The following PSD3 variants were observed in gnomAD, a reference collection of about 807,000 sequenced individuals.
PSD3 encodes the protein pleckstrin and Sec7 domain containing 3.
In PSD3, 49 loss-of-function variants were observed where a neutral mutation model predicts 105.5. That is an observed-to-expected ratio of 0.46 (90% CI 0.37 to 0.59). The LOEUF is 0.59. Among genes scored for constraint, PSD3 ranks in the 20% least tolerant of loss-of-function variants. PSD3 has a pLI of 0.00. For missense variants in PSD3, 1,561 were observed against 1,263.8 expected, an observed-to-expected ratio of 1.24 and a Z score of -3.57; for synonymous variants, 557 against 457.8, an observed-to-expected ratio of 1.22 and a Z score of -2.77.
chr8:18,935,761 C>G (rs540255266), intron 2 of PSD3, among the ~76,000 whole-genome samples: 1 of 151,428 alleles, frequency 6.6e-6, no homozygotes, highest in African/African-American at 2.4e-5. Flanking sequence ...ATGGAAAACT[C>G]TTATGAAAAC....
chr8:18,974,672 CAAAAA>C (rs142184048), intron 1 of PSD3, among the ~76,000 whole-genome samples: 5 of 130,548 alleles, frequency 3.8e-5, no homozygotes, highest in African/African-American at 1.4e-4. Context: ...CACATCAAGT[CAAAAA>C]AAAAAAACAA....
chr8:18,997,416 C>G (rs1826139302), intron 1 of PSD3, among the ~76,000 whole-genome samples: 1 of 151,890 alleles, frequency 6.6e-6, no homozygotes, highest in Admixed American at 6.6e-5. Flanking sequence ...CCATGGTGGT[C>G]CAAGCCACCA....
At chr8:18,998,673 C>T (rs1257073038) in intron 1 of PSD3, among the ~76,000 whole-genome samples, 7 of 151,770 alleles carry the variant, frequency 4.6e-5, no homozygotes, top group Non-Finnish European at 1.0e-4. Flanking sequence ...AGCAACAGAG[C>T]GAGATTCCAT....
chr8:18,718,972 G>A (rs1164806966), intron 9 of PSD3, among the ~76,000 whole-genome samples: 3 of 152,280 alleles, frequency 2.0e-5, no homozygotes, highest in East Asian at 3.9e-4. Context: ...TATCTGTGGA[G>A]CTGTCAACCA....
At chr8:18,606,961 C>G (rs1222256173) in intron 11 of PSD3, among the ~76,000 whole-genome samples, 1 of 152,116 alleles carries the variant, frequency 6.6e-6, no homozygotes. Flanking sequence ...GTAGAGTATG[C>G]CCCCAAGGAA....
chr8:18,642,325 C>T (rs553162925), intron 10 of PSD3, among the ~76,000 whole-genome samples: 42 of 152,030 alleles, frequency 2.8e-4, no homozygotes, highest in Non-Finnish European at 5.0e-4. Flanking sequence ...AATTTTCTCA[C>T]CTTTAAAAAA....
intron 1 of PSD3, among the ~76,000 whole-genome samples, chr8:18,974,467 C>T (rs192416559): frequency 3.9e-5 from 6 of 152,202 alleles, no homozygotes; most frequent in Admixed American, 2.0e-4. Flanking sequence ...GAGAAAAAGA[C>T]GCAAGGAGAG....
intron 1 of PSD3, among the ~76,000 whole-genome samples, chr8:18,943,797 A>G (rs1174179481): frequency 1.3e-5 from 2 of 152,140 alleles, no homozygotes; most frequent in Non-Finnish European, 2.9e-5. Flanking sequence ...TAAAGATACC[A>G]TAGCGGAAAC....
At chr8:18,545,101 G>C (rs1800379730) in intron 15 of PSD3, among the ~76,000 whole-genome samples, 1 of 152,154 alleles carries the variant, frequency 6.6e-6, no homozygotes. Flanking sequence ...AAAATACTAT[G>C]ATTTCTCTCA....
chr8:18,749,539 A>C (rs1001186807), intron 9 of PSD3, among the ~76,000 whole-genome samples: 3 of 152,192 alleles, frequency 2.0e-5, no homozygotes, highest in Admixed American at 6.5e-5. Flanking sequence ...GGCACACGGC[A>C]GATGGAACTA....
rs79165931 is a variant in PSD3, at chr8:18,744,247, A to G, written c.2172+21202T>C. 1.8e-3 allele frequency among the ~76,000 whole-genome samples: 272 copies of G among 152,278 alleles called. 4 individuals carry two copies. The East Asian group carries it at 0.018, about 10-fold the overall frequency. ...CACATTTAAACCTCATTCCTGGTTC[A>G]TAAGTAGGTATATTTACTTTTCCCA... is the stretch of plus-strand genomic sequence containing the variant. On this transcript the variant is annotated intron_variant, in intron 9 of 15. Coordinates refer to ENST00000327040, the MANE Select transcript of PSD3 (RefSeq NM_015310.4).
intron 2 of PSD3, among the ~76,000 whole-genome samples, chr8:18,885,354 C>T (rs980568340): frequency 6.6e-5 from 10 of 152,168 alleles, no homozygotes; most frequent in African/African-American, 2.4e-4. Context: ...GTCTCGCTCA[C>T]AGCAAGCTTT....
chr8:18,842,472 G>T (rs776985635), intron 4 of PSD3, among the ~76,000 whole-genome samples: 1 of 152,116 alleles, frequency 6.6e-6, no homozygotes, highest in Non-Finnish European at 1.5e-5. Flanking sequence ...GGTGGCTCAC[G>T]CCTGTAATCC....
intron 4 of PSD3, among the ~76,000 whole-genome samples, chr8:18,827,776 T>C (rs540799898): frequency 6.6e-6 from 1 of 151,630 alleles, no homozygotes; most frequent in Non-Finnish European, 1.5e-5. Context: ...CCGGTTGAAT[T>C]TGAGGCCAAT....
At chr8:18,870,770 T>C (rs530274548) in intron 3 of PSD3, among the ~76,000 whole-genome samples, 2 of 152,116 alleles carry the variant, frequency 1.3e-5, no homozygotes, top group East Asian at 1.9e-4. Context: ...AACTGAATTA[T>C]AAAATCTACT....
intron 9 of PSD3, among the ~76,000 whole-genome samples, chr8:18,761,082 T>C (rs1016836658): frequency 1.3e-5 from 2 of 152,126 alleles, no homozygotes; most frequent in African/African-American, 4.8e-5. Flanking sequence ...TCCCCTCTTG[T>C]AGCATCAAAG....
intron 8 of PSD3, among the ~76,000 whole-genome samples, chr8:18,798,419 A>G (rs181952510): frequency 1.8e-4 from 28 of 152,250 alleles, no homozygotes; most frequent in African/African-American, 6.7e-4. Flanking sequence ...CCTTCCTCTT[A>G]TAACAGCTAG....
At chr8:18,954,924 C>T (rs779578710) in intron 1 of PSD3, among the ~76,000 whole-genome samples, 2 of 152,110 alleles carry the variant, frequency 1.3e-5, no homozygotes, top group South Asian at 2.1e-4. Flanking sequence ...TTGTAAGTGA[C>T]GTCACGTTAG....
intron 1 of PSD3, among the ~76,000 whole-genome samples, chr8:19,007,039 G>A (rs1217370978): frequency 6.6e-6 from 1 of 152,044 alleles, no homozygotes; most frequent in Non-Finnish European, 1.5e-5. Context: ...CAGATCACCT[G>A]AGGTCAGGAG....
Sources: allele counts gnomAD v4.1 joint callset (sites outside exome capture counted in the v4.1 genomes callset), GRCh38; gene constraint gnomAD v4.1.1; transcripts MANE v1.5; gene names NCBI Gene and HGNC (gene_info 2026-07-23, HGNC 2026-07-21).